Variants in SYT10 observed in about 807,000 individuals in gnomAD.
The protein encoded by SYT10 is synaptotagmin-10.
SYT10 carries 31 observed loss-of-function variants against 51.1 expected under a neutral mutation model. The observed-to-expected ratio is 0.61, with a 90% confidence interval of 0.46 to 0.82. The LOEUF is 0.82. SYT10 is among the 40% of genes least tolerant of loss of function. The probability of loss-of-function intolerance (pLI) is 0.00; values close to 1 mark genes in which losing one functional copy is unlikely to be tolerated. For synonymous variants in SYT10, 233 were observed against 225.9 expected, an observed-to-expected ratio of 1.03 and a Z score of -0.28; for missense variants, 603 against 634.0, an observed-to-expected ratio of 0.95 and a Z score of 0.53.
Position 33,385,169 on chromosome 12 carries a change from A to C in SYT10, c.1198+2T>G. ...TTGGTCCTGTGGCCATTGTGTACATACCTGATGAGCCAGTAATATCCATCG... is the reference window on the plus strand; with the variant it reads ...TTGGTCCTGTGGCCATTGTGTACATCCCTGATGAGCCAGTAATATCCATCG... On this transcript the variant is annotated splice_donor_variant, in intron 4 of 6. Transcript: ENST00000228567. LOFTEE classifies it high-confidence loss of function. 6.2e-7 allele frequency: 1 copy of C among 1,613,560 alleles called. No individual in the cohort carries two copies. Among genetic ancestry groups the C allele is most frequent in the South Asian group, 1.1e-5 (1 of 91,076 alleles).
At chr12:33,380,096 C>T (rs988623662) in intron 5 of SYT10, 135 bp from the exon 6 acceptor site, 45 of 850,896 alleles carry the variant, frequency 5.3e-5, no homozygotes, top group Middle Eastern at 2.5e-4. Flanking sequence ...TACTTCAGAC[C>T]GAATGAAATC....
At chr12:33,382,261 T>G in intron 5 of SYT10, 88 bp downstream of exon 5, 1 of 1,159,596 alleles carries the variant, frequency 8.6e-7, no homozygotes, top group South Asian at 3.1e-5. Flanking sequence ...ATTAAAACTG[T>G]TGTGGCAGTA....
rs1219408631 is a variant in SYT10 at position 33,375,849 on chromosome 12, G to C, written c.*981C>G. ...ACCATTACTGTGTACAATCTAAACG[G>C]TGATGAACACAGACAGTGTTGTTGT... On this transcript the variant is annotated 3_prime_UTR_variant, in exon 7 of 7. Coordinates refer to ENST00000228567, the MANE Select transcript of SYT10 (RefSeq NM_198992.4). 1 of 152,536 alleles carries C rather than the reference G, an allele frequency of 6.6e-6. No individual in the cohort carries two copies. The highest frequency in any genetic ancestry group is 2.4e-5 in the African/African-American group (1 of 41,416). The allele number at this position is 152,536 out of a possible 1,614,324, so 9.4% of individuals were successfully genotyped here. A position where few individuals can be genotyped will look rare whatever the true frequency, so the allele number is the denominator to read the frequency against.
Position 33,439,575 on chromosome 12 carries a change from T to A in SYT10, c.-53A>T. 3.8e-6 allele frequency: 6 copies of A among 1,592,792 alleles called. No homozygotes were observed. In the South Asian group the frequency reaches 6.8e-5, roughly 18 times the overall value. On this transcript the variant is annotated 5_prime_UTR_variant, in exon 1 of 7. Transcript: ENST00000228567. Reference sequence around the variant, plus strand: ...TTTTTCCCAGTTAGCCGTCTTTTCCTCTTCCCGTACCTCTAACCCCTCTGG... The same window carrying A: ...TTTTTCCCAGTTAGCCGTCTTTTCCACTTCCCGTACCTCTAACCCCTCTGG...
intron 3 of SYT10, among the ~76,000 whole-genome samples, chr12:33,394,312 G>A (rs919857310): frequency 1.3e-5 from 2 of 152,152 alleles, no homozygotes; most frequent in African/African-American, 4.8e-5. Flanking sequence ...ATGTATCATG[G>A]CATAGTCTTG....
intron 3 of SYT10, among the ~76,000 whole-genome samples, chr12:33,389,669 G>T (rs989383777): frequency 3.3e-5 from 5 of 152,088 alleles, no homozygotes; most frequent in African/African-American, 1.2e-4. Flanking sequence ...ATAATTGGTT[G>T]CTGTGGTGAT....
intron 3 of SYT10, among the ~76,000 whole-genome samples, chr12:33,391,974 G>A (rs1866211760): frequency 6.6e-6 from 1 of 152,188 alleles, no homozygotes; most frequent in Admixed American, 6.5e-5. Flanking sequence ...TGGTTTGTGT[G>A]AATGAAATTT....
intron 1 of SYT10, among the ~76,000 whole-genome samples, chr12:33,438,857 GA>G (rs1866658892): frequency 6.6e-6 from 1 of 152,250 alleles, no homozygotes; most frequent in South Asian, 2.1e-4. Flanking sequence ...GGTTACCTCG[GA>G]GGCCAAGGCA....
intron 2 of SYT10, among the ~76,000 whole-genome samples, chr12:33,424,337 T>C (rs1032247152): frequency 3.3e-5 from 5 of 152,258 alleles, no homozygotes; most frequent in African/African-American, 1.2e-4. Flanking sequence ...CAAAAAAACA[T>C]TGATTACCTG....
chr12:33,385,079 G>T, intron 4 of SYT10, 92 bp downstream of exon 4: 1 of 1,455,072 alleles, frequency 6.9e-7, no homozygotes. Flanking sequence ...CCCATTATAG[G>T]CAAATAATTC....
At chr12:33,427,546 T>C (rs577792343) in intron 1 of SYT10, among the ~76,000 whole-genome samples, 3 of 152,334 alleles carry the variant, frequency 2.0e-5, no homozygotes, top group Admixed American at 6.5e-5. Flanking sequence ...AAGAGAATTC[T>C]GCTTAATAGA....
intron 1 of SYT10, among the ~76,000 whole-genome samples, chr12:33,427,962 T>C (rs1866566310): frequency 6.6e-6 from 1 of 152,198 alleles, no homozygotes; most frequent in African/African-American, 2.4e-5. Context: ...AATGAAAATA[T>C]GCATTTCAGA....
rs944276568 is a variant in SYT10 at position 33,418,243 on chromosome 12, C to T, written c.509+7895G>A. ...TCTCTCCTGGGAGCTTACTTACTCT[C>T]CTCACTTGGCTTCCAGGTTCCGCCC... On this transcript the variant is annotated intron_variant, in intron 2 of 6. Coordinates refer to ENST00000228567, the MANE Select transcript of SYT10 (RefSeq NM_198992.4). 2.6e-5 allele frequency among the ~76,000 whole-genome samples: 4 copies of T among 152,250 alleles called. No homozygotes were observed. The South Asian group carries it at 8.3e-4, about 32-fold the overall frequency.
chr12:33,393,301 C>T (rs935814101), intron 3 of SYT10, among the ~76,000 whole-genome samples: 10 of 152,154 alleles, frequency 6.6e-5, no homozygotes, highest in African/African-American at 2.4e-4. Flanking sequence ...CTTCCTCATA[C>T]TGGTTAAGAG....
intron 3 of SYT10, among the ~76,000 whole-genome samples, chr12:33,401,526 ATAATT>A (rs1866304437): frequency 6.6e-6 from 1 of 152,198 alleles, no homozygotes; most frequent in African/African-American, 2.4e-5. Flanking sequence ...TCCTTCATAT[ATAATT>A]TATTATTAAT....
intron 3 of SYT10, among the ~76,000 whole-genome samples, chr12:33,389,682 C>A (rs1866187573): frequency 6.6e-6 from 1 of 152,136 alleles, no homozygotes; most frequent in South Asian, 2.1e-4. Flanking sequence ...GTGGTGATAG[C>A]AGTCATTACA....
intron 3 of SYT10, among the ~76,000 whole-genome samples, chr12:33,400,473 T>C (rs1866293045): frequency 6.6e-6 from 1 of 152,134 alleles, no homozygotes; most frequent in Non-Finnish European, 1.5e-5. Flanking sequence ...GATGCTTAGT[T>C]AGAATATAAT....
intron 1 of SYT10, among the ~76,000 whole-genome samples, chr12:33,427,525 G>C (rs1866562945): frequency 6.6e-6 from 1 of 152,096 alleles, no homozygotes; most frequent in South Asian, 2.1e-4. Flanking sequence ...CCAGAGACAA[G>C]GCATGGGAGA....
intron 2 of SYT10, among the ~76,000 whole-genome samples, chr12:33,415,111 G>C (rs948447191): frequency 2.0e-5 from 3 of 152,174 alleles, no homozygotes; most frequent in African/African-American, 7.2e-5. Flanking sequence ...TGTTGGACTA[G>C]AGTCTGCTAC....
Sources: gnomAD v4.1 joint callset for allele counts (sites outside exome capture counted in the v4.1 genomes callset) on GRCh38, gnomAD v4.1.1 for gene constraint, MANE v1.5 for transcripts, NCBI Gene and HGNC (gene_info 2026-07-23, HGNC 2026-07-21) for gene names.